The following JCAD variants were observed in gnomAD, a reference collection of about 807,000 sequenced individuals.
JCAD encodes junctional cadherin 5 associated.
In JCAD, 40 loss-of-function variants were observed where a neutral mutation model predicts 98.0. The observed-to-expected ratio is 0.41, with a 90% CI of 0.32 to 0.53. The LOEUF is 0.53. JCAD is among the 20% of genes least tolerant of loss of function. JCAD has a pLI of 0.31. For synonymous variants in JCAD, 691 were observed against 682.3 expected (o/e 1.01, Z -0.20); for missense variants, 1,705 against 1,738.1 (o/e 0.98, Z 0.34).
intron 1 of JCAD, among the ~76,000 whole-genome samples, chr10:30,073,647 GTCCTTCCTTCCT>G (rs60380450): frequency 7.2e-6 from 1 of 138,490 alleles, no homozygotes; most frequent in East Asian, 2.1e-4. Context: ...TAGCAAGATT[GTCCTTCCTTCCT>G]TCCTTCCTTC....
At chr10:30,066,032 G>A (rs151138156) in intron 2 of JCAD, among the ~76,000 whole-genome samples, 1 of 152,304 alleles carries the variant, frequency 6.6e-6, no homozygotes, top group East Asian at 1.9e-4. Context: ...GAGAAGCAGG[G>A]ATGGAGCACA....
Position 30,027,486 on chromosome 10 carries a change from T to A in JCAD, c.2662A>T (p.Met888Leu). The A allele has an allele frequency of 6.2e-7, 1 of 1,607,718 alleles. No individual in the cohort carries two copies. The highest frequency in any genetic ancestry group is 8.5e-7 in the Non-Finnish European group (1 of 1,179,988). Residue 888 changes from methionine (M) to leucine (L), a missense_variant, in exon 3 of 4, where the codon ATG becomes TTG. Transcript: ENST00000375377. ...ATCCTCGGCTGTGGCTCAACCCTCA[T>A]TTCCGGGCTGTTTCCGCGGAAGCCC... ...DVGFRGNSPE[M>L]RVEPQPRMWV...
At chr10:30,039,372 C>T (rs1051398106) in intron 2 of JCAD, among the ~76,000 whole-genome samples, 5 of 152,250 alleles carry the variant, frequency 3.3e-5, no homozygotes, top group African/African-American at 1.2e-4. Flanking sequence ...CCTCCCACAA[C>T]GTGAGGCCCT....
At chr10:30,045,445 C>A (rs1837314815) in intron 2 of JCAD, among the ~76,000 whole-genome samples, 1 of 152,008 alleles carries the variant, frequency 6.6e-6, no homozygotes, top group Non-Finnish European at 1.5e-5. Context: ...CCATATATGC[C>A]CTGTACTGTA....
At chr10:30,053,953 T>C (rs1837518951) in intron 1 of JCAD, among the ~76,000 whole-genome samples, 1 of 151,908 alleles carries the variant, frequency 6.6e-6, no homozygotes, top group Middle Eastern at 3.2e-3. Context: ...TCCCAGCTAC[T>C]CAGGAGGCTG....
At chr10:30,079,307 A>G (rs1298696502) in intron 1 of JCAD, among the ~76,000 whole-genome samples, 1 of 146,530 alleles carries the variant, frequency 6.8e-6, no homozygotes, top group Non-Finnish European at 1.5e-5. Flanking sequence ...AGAATGTGCC[A>G]CTGCACTCTA....
At chr10:30,019,048 T>C (rs1192263681) in intron 3 of JCAD, among the ~76,000 whole-genome samples, 1 of 152,086 alleles carries the variant, frequency 6.6e-6, no homozygotes, top group African/African-American at 2.4e-5. Context: ...TTTTCATGAC[T>C]GGATGTATGG....
intron 1 of JCAD, among the ~76,000 whole-genome samples, chr10:30,074,846 G>T (rs527409287): frequency 2.0e-5 from 3 of 152,150 alleles, no homozygotes; most frequent in Admixed American, 6.5e-5. Context: ...AGGCTGGACT[G>T]CCATGGCACC....
intron 1 of JCAD, among the ~76,000 whole-genome samples, chr10:30,054,478 T>C (rs1285183944): frequency 6.6e-6 from 1 of 151,720 alleles, no homozygotes; most frequent in African/African-American, 2.4e-5. Context: ...CTTAAGTATA[T>C]ATAACAACAT....
In JCAD at chr10:30,028,643, C is replaced by A. The variant is rs766262433; in HGVS notation, c.1505G>T (p.Gly502Val). Residue 502 changes from glycine to valine, a missense_variant, in exon 3 of 4, where the codon GGC (glycine) becomes GTC (valine). Physicochemically the swap from Gly to Val is moderately radical, Grantham distance 109. Coordinates refer to ENST00000375377, the MANE Select transcript of JCAD (RefSeq NM_020848.4). ...GTTTTCCCCATCCCCGGGGGGCTGGCCCCACAGCCACCGGGGGCTGGAATC... is the reference window on the plus strand; with the variant it reads ...GTTTTCCCCATCCCCGGGGGGCTGGACCCACAGCCACCGGGGGCTGGAATC... ...LADSSPRWLW[G>V]QPPGDGENSG... 1.8e-5 allele frequency: 29 copies of A among 1,607,048 alleles called. No homozygotes were observed. Among genetic ancestry groups the A allele is most frequent in the Middle Eastern group, 3.3e-4 (2 of 6,036 alleles).
chr10:30,068,650 C>T (rs12411741), intron 2 of JCAD, among the ~76,000 whole-genome samples: 7 of 152,126 alleles, frequency 4.6e-5, no homozygotes, highest in Non-Finnish European at 5.9e-5. Context: ...GTTTATTTGG[C>T]CTTCATTAAT....
intron 1 of JCAD, among the ~76,000 whole-genome samples, chr10:30,082,448 G>A (rs1317086442): frequency 1.3e-5 from 2 of 152,184 alleles, no homozygotes; most frequent in Non-Finnish European, 2.9e-5. Context: ...GCCGGGCGCA[G>A]TTGCTCACAC....
chr10:30,051,686 C>T (rs1370710783), intron 1 of JCAD, among the ~76,000 whole-genome samples: 1 of 151,916 alleles, frequency 6.6e-6, no homozygotes, highest in Non-Finnish European at 1.5e-5. Context: ...GGAAATCTGG[C>T]AGAAAAGCAG....
rs60366808 is a variant in JCAD, at chr10:30,027,565, C to T, written c.2583G>A (p.Glu861=). ...SSSSSSSSSE[E]SEAEPQQENR... is the part of the protein sequence containing the mutation. ...TCTCCTGCTGCGGCTCCGCCTCACTCTCCTCACTGCTGCTGCTGCTGCTGC... is the reference window on the plus strand; with the variant it reads ...TCTCCTGCTGCGGCTCCGCCTCACTTTCCTCACTGCTGCTGCTGCTGCTGC... The change falls in exon 3 of 4, where the codon GAG becomes GAA. Residue 861 remains glutamate (E), a synonymous_variant. Transcript: ENST00000375377. 6,061 of 1,614,002 alleles carry T rather than the reference C, an allele frequency of 3.8e-3. 224 individuals carry two copies. The African/African-American group carries it at 0.073, about 19-fold the overall frequency.
At chr10:30,096,047 T>C (rs1231880619) in intron 1 of JCAD, among the ~76,000 whole-genome samples, 1 of 152,218 alleles carries the variant, frequency 6.6e-6, no homozygotes, top group Non-Finnish European at 1.5e-5. Context: ...TTTTGTTTTA[T>C]TGTCAGTAAA....
chr10:30,014,933 T>C lies in JCAD; in HGVS notation c.*2950A>G, dbSNP rs572626800. 6.1e-4 allele frequency: 93 copies of C among 152,352 alleles called. No homozygotes were observed. The highest frequency in any genetic ancestry group is 2.1e-3 in the African/African-American group (89 of 41,590). The allele number at this position is 152,352 out of a possible 1,614,324, so 9.4% of individuals were successfully genotyped here. On this transcript the variant is annotated 3_prime_UTR_variant, in exon 4 of 4. Coordinates refer to ENST00000375377, the MANE Select transcript of JCAD (RefSeq NM_020848.4). ...TTAAAAGAAGAAATCCAAGCAGTTA[T>C]GCACATGGACATAATCCTGAAAACC...
chr10:30,042,782 C>T (rs1161934784), intron 2 of JCAD, among the ~76,000 whole-genome samples: 1 of 152,156 alleles, frequency 6.6e-6, no homozygotes, highest in Non-Finnish European at 1.5e-5. Flanking sequence ...TTACAACGAC[C>T]CCTCCCTTTC....
rs1452224176 is a variant in JCAD at position 30,027,723 on chromosome 10, G to A, written c.2425C>T (p.Pro809Ser). The change falls in exon 3 of 4, where the codon CCT (proline) becomes TCT (serine). Residue 809 changes from proline to serine, a missense_variant. Pro to Ser is a moderately conservative substitution (Grantham distance 74, BLOSUM62 -1). Around this residue, in one of 3 missense-constraint regions of JCAD, gnomAD observed 1,278 missense variants for 1,243.1 expected, o/e 1.03. Transcript: ENST00000375377. Reference protein sequence around the residue: ...REVVKGEPTGPCNSKQLFGQF... With the variant: ...REVVKGEPTGSCNSKQLFGQF... Reference sequence around the variant, plus strand: ...CCAAAGAGTTGTTTACTGTTGCAAGGGCCCGTGGGCTCCCCCTTCACCACC... The same window carrying A: ...CCAAAGAGTTGTTTACTGTTGCAAGAGCCCGTGGGCTCCCCCTTCACCACC... 6.2e-7 allele frequency: 1 copy of A among 1,614,220 alleles called. No individual in the cohort carries two copies.
chr10:30,085,740 G>A lies in JCAD; in HGVS notation n.129-15919C>T, dbSNP rs1050587598. Among the ~76,000 whole-genome samples, 3 of 152,302 alleles carry A rather than the reference G, an allele frequency of 2.0e-5. No homozygotes were observed. The East Asian group carries it at 5.8e-4, about 29-fold the overall frequency. On this transcript the variant is annotated intron_variant and non_coding_transcript_variant, in intron 1 of 2. Transcript: ENST00000465712. ...TCCAGCCACTTTGCAACTGAGCAGA[G>A]TCCTGATTTCTAGCATCCGTCATGA...
Sources: allele counts gnomAD v4.1 joint callset (sites outside exome capture counted in the v4.1 genomes callset), GRCh38; gene constraint gnomAD v4.1.1; regional missense constraint gnomAD v4.1.1; transcripts MANE v1.5; gene names NCBI Gene and HGNC (gene_info 2026-07-23, HGNC 2026-07-21).